FAM133A: variants seen among roughly 807,000 people sequenced by gnomAD.
FAM133A encodes family with sequence similarity 133 member A.
For synonymous variants in FAM133A, 65 were observed against 58.6 expected (o/e 1.11, Z -0.50); for missense variants, 159 against 164.4 (o/e 0.97, Z 0.18).
intron 3 of FAM133A, among the ~76,000 whole-genome samples, chrX:93,707,569 T>C (rs1927120959): frequency 9.0e-6 from 1 of 111,627 alleles, no homozygotes; most frequent in South Asian, 3.8e-4. Flanking sequence ...TTTTTATCTC[T>C]GCAAACTTAC....
chrX:93,703,220 A>G, intron 3 of FAM133A, among the ~76,000 whole-genome samples: 2 of 111,080 alleles, frequency 1.8e-5, no homozygotes, highest in South Asian at 7.7e-4. Flanking sequence ...TAAACCTTCT[A>G]TAAAATAAAT....
At position 93,696,162 on chromosome X, in the gene FAM133A, A is replaced by G. The variant is rs145202063; in HGVS notation, c.-192-2235A>G. Among the ~76,000 whole-genome samples the G allele has an allele frequency of 1.1e-3, 127 of 111,736 alleles. No homozygotes were observed. The East Asian group carries it at 0.029, about 25-fold the overall frequency. ...TTGGTCAGAACTGTGTATTCAAACT[A>G]CAACGAGCGTTGAGGAGTTACCAGG... On this transcript the variant is annotated intron_variant, in intron 2 of 3. Transcript: ENST00000683942.
At chrX:93,690,513 T>A (rs887892758) in intron 2 of FAM133A, among the ~76,000 whole-genome samples, 5 of 111,814 alleles carry the variant, frequency 4.5e-5, no homozygotes, top group Non-Finnish European at 9.4e-5. Flanking sequence ...TTCACTTATG[T>A]TTTTGAGGTC....
At chrX:93,686,107 CAAAAAAAA>C (rs762274763) in intron 2 of FAM133A, among the ~76,000 whole-genome samples, 2 of 37,499 alleles carry the variant, frequency 5.3e-5, no homozygotes, top group East Asian at 1.1e-3. Flanking sequence ...GACTCCATCT[CAAAAAAAA>C]AAAAAAAAAA....
chrX:93,679,291 CAT>C (rs1924937640), intron 2 of FAM133A, among the ~76,000 whole-genome samples: 1 of 111,137 alleles, frequency 9.0e-6, no homozygotes, highest in African/African-American at 3.3e-5. Flanking sequence ...ATAAATAAAA[CAT>C]TGGTTGTTTT....
At position 93,675,238 on chromosome X, in the gene FAM133A, A is replaced by G. The variant is rs1924600465; in HGVS notation, c.-193+486A>G. Among the ~76,000 whole-genome samples, 3 of 112,061 alleles carry G rather than the reference A, an allele frequency of 2.7e-5. No individual in the cohort carries two copies. The Admixed American group carries it at 2.8e-4, about 11-fold the overall frequency. ...TCTTAACCACCAAATGATAAGAATT[A>G]CTAGCATTTTGATGCACTTCCTTCC... On this transcript the variant is annotated intron_variant, in intron 2 of 3. Coordinates refer to ENST00000683942, the MANE Select transcript of FAM133A (RefSeq NM_001171109.2).
At chrX:93,702,064 C>T (rs977236964) in intron 3 of FAM133A, among the ~76,000 whole-genome samples, 5 of 111,682 alleles carry the variant, frequency 4.5e-5, no homozygotes, top group African/African-American at 1.6e-4. Flanking sequence ...TAATTCCTGT[C>T]GCGTGCAAAG....
chrX:93,697,190 T>A (rs201006824), intron 2 of FAM133A, among the ~76,000 whole-genome samples: 1,296 of 97,786 alleles, frequency 0.013, 8 homozygotes, highest in South Asian at 0.02. Context: ...TATATATATA[T>A]AATATATCAT....
intron 2 of FAM133A, among the ~76,000 whole-genome samples, chrX:93,685,331 G>T (rs1925441755): frequency 9.0e-6 from 1 of 111,526 alleles, no homozygotes; most frequent in African/African-American, 3.3e-5. Flanking sequence ...TTCTACAAAT[G>T]TCTATCTTAA....
At chrX:93,701,791 A>G (rs779197529) in intron 3 of FAM133A, among the ~76,000 whole-genome samples, 13 of 112,266 alleles carry the variant, frequency 1.2e-4, no homozygotes, top group African/African-American at 3.2e-4. Context: ...CACTGGAACT[A>G]TAGAAACTAT....
chrX:93,708,344 A>G (rs780976288), intron 3 of FAM133A, among the ~76,000 whole-genome samples: 1 of 112,036 alleles, frequency 8.9e-6, no homozygotes, highest in South Asian at 3.7e-4. Flanking sequence ...AGGAGATTGG[A>G]TTTGTTTTTC....
chrX:93,702,851 A>C (rs896747713), intron 3 of FAM133A, among the ~76,000 whole-genome samples: 3 of 98,447 alleles, frequency 3.0e-5, no homozygotes, highest in Non-Finnish European at 5.9e-5. Flanking sequence ...AAAAAAAAAA[A>C]AAAAAAAAAA....
At chrX:93,681,776 T>C (rs1047236724) in intron 2 of FAM133A, among the ~76,000 whole-genome samples, 2 of 112,304 alleles carry the variant, frequency 1.8e-5, no homozygotes, top group African/African-American at 3.2e-5. Flanking sequence ...TCTTCTCTTA[T>C]AAGCAGCATT....
chrX:93,699,681 C>T (rs907739234), intron 3 of FAM133A, among the ~76,000 whole-genome samples: 26 of 111,287 alleles, frequency 2.3e-4, no homozygotes, highest in African/African-American at 8.5e-4. Flanking sequence ...TTTATCATTT[C>T]GTTCTATTTT....
intron 2 of FAM133A, among the ~76,000 whole-genome samples, chrX:93,696,248 T>A (rs962787534): frequency 1.8e-5 from 2 of 111,084 alleles, no homozygotes; most frequent in African/African-American, 6.5e-5. Context: ...GGCTGCCATC[T>A]TCACCCGCCG....
chrX:93,702,817 C>T (rs190244592), intron 3 of FAM133A, among the ~76,000 whole-genome samples: 1,178 of 66,771 alleles, frequency 0.018, 25 homozygotes, highest in African/African-American at 0.066. Context: ...CAAAAACTTA[C>T]AATCTAATTA....
chrX:93,676,645 G>A (rs1260080501), intron 2 of FAM133A, among the ~76,000 whole-genome samples: 1 of 108,292 alleles, frequency 9.2e-6, no homozygotes, highest in Non-Finnish European at 1.9e-5. Context: ...TACTTGTGGG[G>A]TTTTTTGGAT....
chrX:93,695,046 A>T (rs1926133886), intron 2 of FAM133A, among the ~76,000 whole-genome samples: 1 of 111,424 alleles, frequency 9.0e-6, no homozygotes, highest in Admixed American at 9.5e-5. Context: ...GCAGAATAAT[A>T]GTGTCTAATT....
Position 93,698,398 on chromosome X carries a change from G to A in FAM133A, c.-191G>A, listed in dbSNP as rs980569789. On this transcript the variant is annotated splice_region_variant and 5_prime_UTR_variant, in exon 3 of 4. Coordinates refer to ENST00000683942, the MANE Select transcript of FAM133A (RefSeq NM_001171109.2). The stretch of plus-strand genomic sequence containing the variant: ...TTTCTCATTTATCTGTGGTAAAAGT[G>A]GAGAACCTGAAAAGGAACCTGGAAA... 1 of 111,583 alleles carries A rather than the reference G, an allele frequency of 9.0e-6. No individual in the cohort carries two copies. The highest frequency in any genetic ancestry group is 3.3e-5 in the African/African-American group (1 of 30,694). The allele number at this position is 111,583 out of a possible 1,213,427, so 9.2% of individuals were successfully genotyped here.
Sources: gnomAD v4.1 joint callset for allele counts (sites outside exome capture counted in the v4.1 genomes callset) on GRCh38, gnomAD v4.1.1 for gene constraint, MANE v1.5 for transcripts, NCBI Gene and HGNC (gene_info 2026-07-23, HGNC 2026-07-21) for gene names.